CPNE4: variants seen among roughly 807,000 people sequenced by gnomAD.
CPNE4 encodes the protein copine-4.
Under a neutral mutation model 67.9 loss-of-function variants are expected in CPNE4, and 25 were observed. That is an observed-to-expected ratio of 0.37 (90% CI 0.27 to 0.51). The LOEUF (loss-of-function observed/expected upper bound fraction) is 0.51, where lower values mean the gene tolerates loss of function less well. Ranked by LOEUF, CPNE4 falls within the 20% of genes least tolerant of loss-of-function variation. The probability of loss-of-function intolerance (pLI) is 0.93; values close to 1 mark genes in which losing one functional copy is unlikely to be tolerated. For synonymous variants in CPNE4, 242 were observed against 244.9 expected (o/e 0.99, Z 0.11); for missense variants, 464 against 690.8 (o/e 0.67, Z 3.68).
chr3:131,570,338 T>TTTTA (rs1491306064), intron 10 of CPNE4, among the ~76,000 whole-genome samples: 1 of 149,886 alleles, frequency 6.7e-6, no homozygotes, highest in Non-Finnish European at 1.5e-5. Flanking sequence ...TTTATTTTTT[T>TTTTA]AAAATTTTTT....
At chr3:131,905,853 A>T (rs1323567460) in intron 1 of CPNE4, among the ~76,000 whole-genome samples, 1 of 152,160 alleles carries the variant, frequency 6.6e-6, no homozygotes. Flanking sequence ...AAGACTAAAA[A>T]TCCAACTCAA....
intron 2 of CPNE4, among the ~76,000 whole-genome samples, chr3:131,863,658 C>G (rs892744132): frequency 6.6e-6 from 1 of 152,102 alleles, no homozygotes; most frequent in Non-Finnish European, 1.5e-5. Context: ...TGTAGGTTGC[C>G]TGTTCACTCT....
At chr3:131,938,365 A>G (rs1039807005) in intron 1 of CPNE4, among the ~76,000 whole-genome samples, 1 of 152,140 alleles carries the variant, frequency 6.6e-6, no homozygotes, top group Non-Finnish European at 1.5e-5. Flanking sequence ...TCAAAAAAAA[A>G]ATCATTAAAA....
chr3:131,731,235 C>T (rs528563528), intron 2 of CPNE4, among the ~76,000 whole-genome samples: 79 of 152,306 alleles, frequency 5.2e-4, no homozygotes, highest in African/African-American at 1.9e-3. Flanking sequence ...GCTAGACATT[C>T]GTTTCACCAG....
intron 1 of CPNE4, among the ~76,000 whole-genome samples, chr3:131,939,569 A>G (rs998844952): frequency 1.3e-5 from 2 of 152,070 alleles, no homozygotes. Flanking sequence ...GATTTCCCCC[A>G]GACAGTCCTG....
At chr3:131,794,573 T>A (rs1242354624) in intron 2 of CPNE4, among the ~76,000 whole-genome samples, 1 of 152,200 alleles carries the variant, frequency 6.6e-6, no homozygotes, top group Non-Finnish European at 1.5e-5. Context: ...TGTGGTTGAC[T>A]TTGGTATAAA....
At chr3:131,969,262 T>A (rs58835191) in intron 1 of CPNE4, among the ~76,000 whole-genome samples, 6,241 of 151,696 alleles carry the variant, frequency 0.041, 380 homozygotes, top group African/African-American at 0.14. Flanking sequence ...TGCATGCGGG[T>A]CTTAAAACCT....
intron 6 of CPNE4, among the ~76,000 whole-genome samples, chr3:131,670,597 G>T (rs1346958903): frequency 1.3e-5 from 2 of 152,142 alleles, no homozygotes; most frequent in Non-Finnish European, 2.9e-5. Flanking sequence ...TGGACCAGCA[G>T]GAGCTGCATC....
At chr3:131,772,415 T>A (rs1290447004) in intron 2 of CPNE4, among the ~76,000 whole-genome samples, 1 of 152,180 alleles carries the variant, frequency 6.6e-6, no homozygotes, top group Non-Finnish European at 1.5e-5. Flanking sequence ...TGTCAGACAG[T>A]GTGTACAGAA....
rs551770224 is a variant in CPNE4, at chr3:131,959,958, T to C, written c.-1-54514A>G. Among the ~76,000 whole-genome samples the C allele has an allele frequency of 4.6e-5, 7 of 152,320 alleles. No homozygotes were observed. The South Asian group carries it at 1.5e-3, about 32-fold the overall frequency. ...AAAACGCTACTGCAAATTTAAGTAA[T>C]ATGTCATACTTCTAGGTGTTTCTAA... On this transcript the variant is annotated intron_variant, in intron 1 of 15. Coordinates refer to ENST00000429747, the MANE Select transcript of CPNE4 (RefSeq NM_130808.3).
chr3:132,014,900 A>G (rs183582422), intron 1 of CPNE4, among the ~76,000 whole-genome samples: 2 of 152,182 alleles, frequency 1.3e-5, no homozygotes, highest in Non-Finnish European at 2.9e-5. Context: ...AATGGATCCT[A>G]TTATTTTTGT....
In CPNE4 at chr3:131,699,996, CA is replaced by C. The variant is rs2107703070; in HGVS notation, c.361-17del. On this transcript the variant is annotated splice_polypyrimidine_tract_variant and intron_variant, in intron 3 of 15. Coordinates refer to ENST00000429747, the MANE Select transcript of CPNE4 (RefSeq NM_130808.3). The stretch of plus-strand genomic sequence containing the variant: ...GGGAAACAATCTGCAAAAAAGGAAA[CA>C]AAAGGTAACAAAAGGTAGAGATACT... 4 of 1,463,878 alleles carry C rather than the reference CA, an allele frequency of 2.7e-6. No individual in the cohort carries two copies. Among genetic ancestry groups the C allele is most frequent in the African/African-American group, 1.5e-5 (1 of 67,124 alleles). The allele number at this position is 1,463,878 out of a possible 1,614,324, so 90.7% of individuals were successfully genotyped here.
At chr3:131,582,185 A>T (rs1402522239) in intron 8 of CPNE4, among the ~76,000 whole-genome samples, 1 of 152,230 alleles carries the variant, frequency 6.6e-6, no homozygotes, top group Non-Finnish European at 1.5e-5. Context: ...AGAGAAATTT[A>T]CTAGGGACAA....
Position 131,921,979 on chromosome 3 carries a change from C to T in CPNE4, c.-1-16535G>A, listed in dbSNP as rs111878103. On this transcript the variant is annotated intron_variant, in intron 1 of 15. Coordinates refer to ENST00000429747, the MANE Select transcript of CPNE4 (RefSeq NM_130808.3). ...GGGGGCACATGTGCAGGTCTGTTAC[C>T]GGGGCATATTGTATGATGCTAAGGT... is the stretch of plus-strand genomic sequence containing the variant. 4.1e-4 allele frequency among the ~76,000 whole-genome samples: 63 copies of T among 152,128 alleles called. 1 individual carries two copies. The highest frequency in any genetic ancestry group is 1.9e-3 in the South Asian group (9 of 4,802).
intron 2 of CPNE4, among the ~76,000 whole-genome samples, chr3:131,830,079 G>T (rs2085308635): frequency 6.6e-6 from 1 of 152,118 alleles, no homozygotes; most frequent in African/African-American, 2.4e-5. Flanking sequence ...GAGCTTAGAA[G>T]ATTGCATTAA....
chr3:131,959,101 C>T (rs1583516975), intron 1 of CPNE4, among the ~76,000 whole-genome samples: 2 of 44,650 alleles, frequency 4.5e-5, no homozygotes, highest in African/African-American at 1.0e-4. Context: ...CCCGGGTTCA[C>T]GCCATTCTCC....
intron 3 of CPNE4, 105 bp downstream of exon 3, chr3:131,723,341 A>G: frequency 9.8e-7 from 1 of 1,024,144 alleles, no homozygotes. Context: ...AAGAAAATAC[A>G]ATCAATAGGA....
intron 1 of CPNE4, among the ~76,000 whole-genome samples, chr3:131,940,165 T>C (rs1225030): frequency 0.24 from 37,190 of 152,082 alleles, 5,416 homozygotes; most frequent in Middle Eastern, 0.32. Context: ...GGCATTATGA[T>C]AATTTATATA....
intron 2 of CPNE4, among the ~76,000 whole-genome samples, chr3:131,818,092 T>A (rs2084815137): frequency 6.6e-6 from 1 of 152,246 alleles, no homozygotes; most frequent in East Asian, 1.9e-4. Context: ...AATGGTCATC[T>A]GATGAGTCAA....
Sources: allele counts gnomAD v4.1 joint callset (sites outside exome capture counted in the v4.1 genomes callset), GRCh38; gene constraint gnomAD v4.1.1; transcripts MANE v1.5; gene names NCBI Gene and HGNC (gene_info 2026-07-23, HGNC 2026-07-21).